Variants in CCDC102B observed in about 807,000 individuals in gnomAD.
CCDC102B encodes coiled-coil domain containing 102B.
CCDC102B carries 75 observed loss-of-function variants against 57.4 expected under a neutral mutation model. The ratio of observed to expected loss-of-function variants is 1.31; its 90% CI spans 1.08 to 1.58. The LOEUF is 1.58. CCDC102B is among the 40% of genes most tolerant of loss of function. The pLI is 0.00. For missense variants in CCDC102B, 636 were observed against 582.6 expected, an observed-to-expected ratio of 1.09 and a Z score of -0.94; for synonymous variants, 206 against 201.9, an observed-to-expected ratio of 1.02 and a Z score of -0.17.
intron 6 of CCDC102B, among the ~76,000 whole-genome samples, chr18:68,929,330 G>A (rs1259902341): frequency 6.6e-6 from 1 of 151,838 alleles, no homozygotes; most frequent in Non-Finnish European, 1.5e-5. Context: ...TGAAAGGGAT[G>A]GAGAGATTTT....
intron 4 of CCDC102B, among the ~76,000 whole-genome samples, chr18:68,855,627 C>T (rs147893486): frequency 0.012 from 1,785 of 152,206 alleles, 34 homozygotes; most frequent in African/African-American, 0.041. Flanking sequence ...CTTCTTCTTT[C>T]TCTGTAGCCC....
At chr18:69,052,932 A>C (rs2052744777) in intron 7 of CCDC102B, among the ~76,000 whole-genome samples, 1 of 151,906 alleles carries the variant, frequency 6.6e-6, no homozygotes, top group Non-Finnish European at 1.5e-5. Flanking sequence ...AGATAATTTA[A>C]AATATAGAGG....
At chr18:68,876,294 G>A (rs1375265291) in intron 5 of CCDC102B, among the ~76,000 whole-genome samples, 1 of 152,276 alleles carries the variant, frequency 6.6e-6, no homozygotes. Context: ...TGCCTTCAGA[G>A]AACAGCCTTC....
rs186230389 is a variant in CCDC102B at position 68,867,905 on chromosome 18, T to G, written c.937-6764T>G. On this transcript the variant is annotated intron_variant, in intron 4 of 7. Coordinates refer to ENST00000360242, the MANE Select transcript of CCDC102B (RefSeq NM_024781.3). ...GCCGAGGTCATGCCACTGCACTCCA[T>G]CCTGGGGCGAAAGAGTAAGACTCCG... Among the ~76,000 whole-genome samples, 15 of 151,960 alleles carry G rather than the reference T, an allele frequency of 9.9e-5. No individual in the cohort carries two copies. In the East Asian group the frequency reaches 1.7e-3, roughly 18 times the overall value.
intron 4 of CCDC102B, among the ~76,000 whole-genome samples, chr18:68,867,380 C>T (rs1350449034): frequency 6.6e-6 from 1 of 152,152 alleles, no homozygotes; most frequent in Admixed American, 6.5e-5. Context: ...CACTTATTCT[C>T]TCTCCATATT....
intron 5 of CCDC102B, among the ~76,000 whole-genome samples, chr18:68,891,796 C>A (rs1408875870): frequency 6.6e-6 from 1 of 152,042 alleles, no homozygotes; most frequent in Non-Finnish European, 1.5e-5. Flanking sequence ...GGATTAAGGC[C>A]CCACCCTAAT....
At chr18:68,848,436 A>G (rs1232601509) in intron 4 of CCDC102B, among the ~76,000 whole-genome samples, 4 of 152,098 alleles carry the variant, frequency 2.6e-5, no homozygotes, top group African/African-American at 7.2e-5. Flanking sequence ...AAGATTAGCA[A>G]TTGTTAAAGT....
chr18:68,950,927 A>G (rs988720709), intron 6 of CCDC102B, among the ~76,000 whole-genome samples: 8 of 152,188 alleles, frequency 5.3e-5, no homozygotes, highest in African/African-American at 1.7e-4. Flanking sequence ...ATGTACTTTC[A>G]CATAATAAAA....
intron 2 of CCDC102B, among the ~76,000 whole-genome samples, chr18:68,730,876 G>A (rs1203352753): frequency 6.6e-6 from 1 of 152,098 alleles, no homozygotes; most frequent in Non-Finnish European, 1.5e-5. Flanking sequence ...AAAGGACTGA[G>A]TAATAAGATT....
chr18:68,810,169 A>G (rs1158092027), intron 1 of CCDC102B, among the ~76,000 whole-genome samples: 2 of 152,240 alleles, frequency 1.3e-5, no homozygotes, highest in Non-Finnish European at 1.5e-5. Context: ...TGTTTTAAAA[A>G]CTACAGCAAA....
intron 2 of CCDC102B, among the ~76,000 whole-genome samples, chr18:68,782,757 T>C (rs1055997138): frequency 6.6e-6 from 1 of 152,198 alleles, no homozygotes; most frequent in Non-Finnish European, 1.5e-5. Flanking sequence ...GAAAATAATA[T>C]TCATTTTTCA....
At chr18:68,747,279 T>C (rs2033657465) in intron 2 of CCDC102B, among the ~76,000 whole-genome samples, 1 of 152,074 alleles carries the variant, frequency 6.6e-6, no homozygotes, top group South Asian at 2.1e-4. Flanking sequence ...TATTCTCTAC[T>C]TCTATGAGAT....
At chr18:68,921,250 T>C (rs749391997) in intron 6 of CCDC102B, among the ~76,000 whole-genome samples, 24 of 152,160 alleles carry the variant, frequency 1.6e-4, no homozygotes, top group African/African-American at 4.8e-4. Context: ...TAGGAGGTAA[T>C]TGAATCACGG....
At chr18:68,764,939 T>C (rs995750447) in intron 2 of CCDC102B, among the ~76,000 whole-genome samples, 2 of 151,438 alleles carry the variant, frequency 1.3e-5, no homozygotes, top group African/African-American at 2.4e-5. Flanking sequence ...CCCAGCTACC[T>C]TGGAGGCTGA....
chr18:68,981,428 G>A (rs1045232115), intron 6 of CCDC102B, among the ~76,000 whole-genome samples: 7 of 152,034 alleles, frequency 4.6e-5, no homozygotes, highest in Non-Finnish European at 8.8e-5. Context: ...TCTTGATATT[G>A]TCAGATAACT....
At chr18:68,870,018 A>G (rs749548363) in intron 4 of CCDC102B, among the ~76,000 whole-genome samples, 3 of 152,180 alleles carry the variant, frequency 2.0e-5, no homozygotes, top group Non-Finnish European at 4.4e-5. Context: ...GGTTTGTCGA[A>G]GATCAGATGG....
chr18:68,715,337 C>T, exon 1 of CCDC102B: 1 of 934,302 alleles, frequency 1.1e-6, no homozygotes, highest in Non-Finnish European at 1.4e-6. Context: ...AGGTGAATAC[C>T]GGTGAAAGTT....
intron 2 of CCDC102B, among the ~76,000 whole-genome samples, chr18:68,768,580 T>A (rs189234297): frequency 6.6e-6 from 1 of 152,192 alleles, no homozygotes. Context: ...TAGCAAATTA[T>A]AATATTTAGT....
At chr18:68,897,546 T>C in intron 6 of CCDC102B, 118 bp downstream of exon 6, 1 of 1,550,776 alleles carries the variant, frequency 6.4e-7, no homozygotes, top group Non-Finnish European at 8.8e-7. Flanking sequence ...TGCCAGCTAA[T>C]ACCTGATACT....
Sources: gnomAD v4.1 joint callset for allele counts (sites outside exome capture counted in the v4.1 genomes callset) on GRCh38, gnomAD v4.1.1 for gene constraint, MANE v1.5 for transcripts, NCBI Gene and HGNC (gene_info 2026-07-23, HGNC 2026-07-21) for gene names.